The following ZBTB20 variants were observed in gnomAD, a reference collection of about 807,000 sequenced individuals.
The protein encoded by ZBTB20 is zinc finger and BTB domain containing 20.
Under a neutral mutation model 56.9 loss-of-function variants are expected in ZBTB20, and 9 were observed. The ratio of observed to expected loss-of-function variants is 0.16; its 90% CI spans 0.10 to 0.28. ZBTB20 has a LOEUF of 0.28. Among genes scored for constraint, ZBTB20 ranks in the 10% least tolerant of loss-of-function variants. ZBTB20 has a pLI of 1.00. For synonymous variants in ZBTB20, 417 were observed against 420.7 expected (o/e 0.99, Z 0.11); for missense variants, 655 against 1,003.0 (o/e 0.65, Z 4.69).
chr3:114,993,653 T>A (rs963255666), intron 2 of ZBTB20, among the ~76,000 whole-genome samples: 1 of 151,844 alleles, frequency 6.6e-6, no homozygotes, highest in Non-Finnish European at 1.5e-5. Flanking sequence ...AAAACATTCA[T>A]AAATATTCCA....
chr3:114,875,644 C>T (rs941260035), intron 4 of ZBTB20, among the ~76,000 whole-genome samples: 1 of 152,064 alleles, frequency 6.6e-6, no homozygotes, highest in African/African-American at 2.4e-5. Context: ...CCTTGTGTTG[C>T]TTCTGGGTGA....
chr3:114,661,857 G>A (rs1218935978), intron 6 of ZBTB20, among the ~76,000 whole-genome samples: 1 of 151,756 alleles, frequency 6.6e-6, no homozygotes, highest in Non-Finnish European at 1.5e-5. Context: ...GCCCTTGCAT[G>A]TGCCATTCTA....
At chr3:114,980,487 G>A (rs2078282157) in intron 2 of ZBTB20, among the ~76,000 whole-genome samples, 1 of 151,784 alleles carries the variant, frequency 6.6e-6, no homozygotes, top group South Asian at 2.1e-4. Context: ...ATTTACATAA[G>A]TTCATAAAAA....
intron 6 of ZBTB20, among the ~76,000 whole-genome samples, chr3:114,516,521 A>G (rs562137254): frequency 4.9e-4 from 75 of 152,274 alleles, no homozygotes; most frequent in Non-Finnish European, 8.8e-4. Flanking sequence ...GAAGATCTCT[A>G]TTATTTTAGT....
intron 7 of ZBTB20, among the ~76,000 whole-genome samples, chr3:114,395,823 C>A (rs1272783200): frequency 6.6e-6 from 1 of 152,168 alleles, no homozygotes; most frequent in Non-Finnish European, 1.5e-5. Flanking sequence ...ATCACAATCC[C>A]ACTGTTTGTC....
intron 3 of ZBTB20, among the ~76,000 whole-genome samples, chr3:114,911,039 C>CT (rs2075515640): frequency 6.6e-6 from 1 of 151,914 alleles, no homozygotes; most frequent in Non-Finnish European, 1.5e-5. Flanking sequence ...CTGTCCTATT[C>CT]TTGTTCTTCA....
chr3:115,134,618 A>T (rs2084604840), intron 1 of ZBTB20, among the ~76,000 whole-genome samples: 1 of 152,160 alleles, frequency 6.6e-6, no homozygotes, highest in Non-Finnish European at 1.5e-5. Context: ...TTCAAATGAG[A>T]TATATTTAAT....
rs2066230354 is a variant in ZBTB20, at chr3:114,737,123, T to C, written c.-342-43548A>G. On this transcript the variant is annotated intron_variant, in intron 5 of 11. Coordinates refer to ENST00000675478, the MANE Select transcript of ZBTB20 (RefSeq NM_001348800.3). ...CAAAGTTACAAATCTATGGACAAGA[T>C]GAATTAATATTAGAACCCATGTTGA... Among the ~76,000 whole-genome samples the C allele has an allele frequency of 2.0e-5, 3 of 152,118 alleles. No individual in the cohort carries two copies. The South Asian group carries it at 6.2e-4, about 32-fold the overall frequency.
At position 114,797,399 on chromosome 3, in the gene ZBTB20, T is replaced by C. The variant is rs117629150; in HGVS notation, c.-343+3702A>G. Among the ~76,000 whole-genome samples, 331 of 151,914 alleles carry C rather than the reference T, an allele frequency of 2.2e-3. 7 individuals carry two copies. The East Asian group carries it at 0.054, about 25-fold the overall frequency. ...TTCTATGTTGAAATCACACCAATAC[T>C]ATCAATGTTCTCCTGACTTTCATTT... On this transcript the variant is annotated intron_variant, in intron 5 of 11. Transcript: ENST00000675478.
At chr3:114,461,213 C>T (rs570295989) in intron 7 of ZBTB20, among the ~76,000 whole-genome samples, 1 of 152,112 alleles carries the variant, frequency 6.6e-6, no homozygotes, top group Admixed American at 6.5e-5. Context: ...CCCCACCCCA[C>T]ATTTTTTTCT....
At chr3:114,382,434 A>G (rs1027375100) in intron 8 of ZBTB20, among the ~76,000 whole-genome samples, 3 of 152,290 alleles carry the variant, frequency 2.0e-5, no homozygotes, top group Middle Eastern at 6.8e-3. Context: ...AGATTTCTTG[A>G]ATATCCTCCA....
intron 6 of ZBTB20, among the ~76,000 whole-genome samples, chr3:114,650,289 T>C (rs1346797400): frequency 1.3e-5 from 2 of 151,830 alleles, no homozygotes; most frequent in Admixed American, 6.6e-5. Flanking sequence ...AAAGTAGCCA[T>C]AAAAACTTAA....
At chr3:114,659,581 C>A (rs893088693) in intron 6 of ZBTB20, among the ~76,000 whole-genome samples, 6 of 152,096 alleles carry the variant, frequency 3.9e-5, no homozygotes, top group African/African-American at 1.4e-4. Flanking sequence ...CACGGCAAAT[C>A]TAAACTGGAT....
chr3:114,694,235 A>G lies in ZBTB20; in HGVS notation c.-342-660T>C, dbSNP rs540493915. ...ATCTTTTATGCGAAGTCATAGAACA[A>G]CAAAACAAAACCCAAATTAACATTT... On this transcript the variant is annotated intron_variant, in intron 5 of 11. Coordinates refer to ENST00000675478, the MANE Select transcript of ZBTB20 (RefSeq NM_001348800.3). 7.2e-5 allele frequency among the ~76,000 whole-genome samples: 11 copies of G among 152,252 alleles called. No homozygotes were observed. In the East Asian group the frequency reaches 1.4e-3, roughly 19 times the overall value.
intron 2 of ZBTB20, among the ~76,000 whole-genome samples, chr3:115,054,494 C>T (rs968895702): frequency 2.6e-5 from 4 of 152,014 alleles, no homozygotes; most frequent in African/African-American, 9.7e-5. Flanking sequence ...AGCATTAGAA[C>T]CCAAACTCAA....
intron 7 of ZBTB20, among the ~76,000 whole-genome samples, chr3:114,470,570 T>G (rs1198049610): frequency 6.6e-6 from 1 of 152,156 alleles, no homozygotes; most frequent in Non-Finnish European, 1.5e-5. Context: ...TTTCTAATCT[T>G]CATAATAAGT....
At chr3:115,106,816 C>A (rs1478782270) in intron 1 of ZBTB20, among the ~76,000 whole-genome samples, 1 of 152,132 alleles carries the variant, frequency 6.6e-6, no homozygotes, top group East Asian at 1.9e-4. Context: ...CCCTCTGCCC[C>A]CCAGAGCAGA....
rs1001196573 is a variant in ZBTB20 at position 114,909,639 on chromosome 3, C to A, written c.-455-9297G>T. On this transcript the variant is annotated intron_variant, in intron 3 of 11. Transcript: ENST00000675478. ...TATAACTTATAAGCAAAAGACTATACCATACAGCATACGTGTACAATAGGC... is the reference window on the plus strand; with the variant it reads ...TATAACTTATAAGCAAAAGACTATAACATACAGCATACGTGTACAATAGGC... Among the ~76,000 whole-genome samples the A allele has an allele frequency of 1.1e-4, 17 of 151,908 alleles. No individual in the cohort carries two copies. In the East Asian group the frequency reaches 1.5e-3, roughly 14 times the overall value.
At chr3:114,551,619 T>C (rs2050593386) in intron 6 of ZBTB20, among the ~76,000 whole-genome samples, 1 of 152,176 alleles carries the variant, frequency 6.6e-6, no homozygotes, top group Non-Finnish European at 1.5e-5. Flanking sequence ...GAATGATAGA[T>C]TGGAAGTGGG....
Sources: gnomAD v4.1 joint callset for allele counts (sites outside exome capture counted in the v4.1 genomes callset) on GRCh38, gnomAD v4.1.1 for gene constraint, MANE v1.5 for transcripts, NCBI Gene and HGNC (gene_info 2026-07-23, HGNC 2026-07-21) for gene names.